LINGO2: variants seen among roughly 807,000 people sequenced by gnomAD.
LINGO2 encodes the protein leucine-rich repeat and immunoglobulin-like domain-containing nogo receptor-interacting protein 2.
In LINGO2, 14 loss-of-function variants were observed where a neutral mutation model predicts 30.6. That is an observed-to-expected ratio of 0.46 (90% CI 0.30 to 0.72). The LOEUF (loss-of-function observed/expected upper bound fraction) is 0.72, where lower values mean the gene tolerates loss of function less well. Among genes scored for constraint, LINGO2 ranks in the 30% least tolerant of loss-of-function variants. The pLI is 0.07. For synonymous variants in LINGO2, 317 were observed against 288.5 expected (o/e 1.10, Z -1.00); for missense variants, 729 against 751.7 (o/e 0.97, Z 0.35).
the LINGO2 span, among the ~76,000 whole-genome samples, chr9:29,188,743 G>T: frequency 7.1e-6 from 1 of 141,046 alleles, no homozygotes; most frequent in Admixed American, 7.2e-5. Context: ...CGGCTGGCCG[G>T]GCAGAGGGGC....
At chr9:28,725,333 G>GA in the LINGO2 span, among the ~76,000 whole-genome samples, 2 of 151,280 alleles carry the variant, frequency 1.3e-5, no homozygotes, top group Admixed American at 1.3e-4. Context: ...AATTAATATT[G>GA]AAAAAAAATC....
intron 2 of LINGO2, among the ~76,000 whole-genome samples, chr9:28,407,364 G>A (rs978846157): frequency 7.2e-5 from 11 of 152,068 alleles, no homozygotes; most frequent in Non-Finnish European, 1.6e-4. Context: ...AGCAAGGCAG[G>A]GCTGAAAGGC....
intron 3 of LINGO2, among the ~76,000 whole-genome samples, chr9:28,366,068 T>C (rs1820661167): frequency 6.6e-6 from 1 of 152,154 alleles, no homozygotes; most frequent in African/African-American, 2.4e-5. Context: ...CTCAGACCCC[T>C]TTCTAAGTCT....
intron 1 of LINGO2, among the ~76,000 whole-genome samples, chr9:28,628,386 TAAC>T (rs1826782129): frequency 6.6e-6 from 1 of 152,088 alleles, no homozygotes; most frequent in Admixed American, 6.6e-5. Flanking sequence ...TAAATTCACA[TAAC>T]AGTAAAACAA....
At chr9:28,715,358 G>A in the LINGO2 span, among the ~76,000 whole-genome samples, 1 of 152,072 alleles carries the variant, frequency 6.6e-6, no homozygotes, top group Non-Finnish European at 1.5e-5. Flanking sequence ...ATTCCTTCCT[G>A]AAAAATGTAA....
In LINGO2 at chr9:28,152,379, G is replaced by A. The variant is rs78503544; in HGVS notation, c.-86-139974C>T. On this transcript the variant is annotated intron_variant, in intron 4 of 5. Transcript: ENST00000379992. Reference sequence around the variant, plus strand: ...TGGCTCCTCTTCCGTTTCTGCCTGAGAGGAAGCACACTGAGGCTCTCCTCA... The same window carrying A: ...TGGCTCCTCTTCCGTTTCTGCCTGAAAGGAAGCACACTGAGGCTCTCCTCA... Among the ~76,000 whole-genome samples the A allele has an allele frequency of 3.3e-3, 508 of 152,238 alleles. 3 individuals are homozygous for A. The highest frequency in any genetic ancestry group is 0.012 in the African/African-American group (484 of 41,542).
At chr9:28,193,956 T>A (rs1356521695) in intron 4 of LINGO2, among the ~76,000 whole-genome samples, 1 of 152,046 alleles carries the variant, frequency 6.6e-6, no homozygotes, top group Non-Finnish European at 1.5e-5. Flanking sequence ...TGCCCCAGAG[T>A]GAGCAGTCAA....
At chr9:28,645,959 A>C (rs2135952644) in intron 1 of LINGO2, among the ~76,000 whole-genome samples, 1 of 152,190 alleles carries the variant, frequency 6.6e-6, no homozygotes, top group East Asian at 1.9e-4. Flanking sequence ...AGTAATTTTA[A>C]CTATTTACCT....
In LINGO2 at chr9:28,408,777, AAAAAAAAAAAC is replaced by A. The variant is rs1198233009; in HGVS notation, c.-278-35920_-278-35910del. 8.6e-5 allele frequency among the ~76,000 whole-genome samples: 7 copies of A among 81,238 alleles called. No individual in the cohort carries two copies. In the East Asian group the frequency reaches 1.2e-3, roughly 14 times the overall value. The allele number at this position is 81,238 out of a possible 152,430, so 53.3% of individuals were successfully genotyped here. ...TTAAACTTAAAGTATAAAAAAACAA[AAAAAAAAAAAC>A]AAAAAAAAACAAATAGAAAGATGGC... On this transcript the variant is annotated intron_variant, in intron 2 of 5. Transcript: ENST00000379992.
chr9:28,946,271 G>T, the LINGO2 span, among the ~76,000 whole-genome samples: 1 of 151,996 alleles, frequency 6.6e-6, no homozygotes, highest in Admixed American at 6.6e-5. Context: ...CAGAGAAAAA[G>T]CAGAAAGAAA....
chr9:28,127,031 A>G (rs1271988982), intron 4 of LINGO2, among the ~76,000 whole-genome samples: 1 of 152,216 alleles, frequency 6.6e-6, no homozygotes, highest in African/African-American at 2.4e-5. Context: ...CAGCTATTTT[A>G]AAGATGAGAA....
intron 5 of LINGO2, among the ~76,000 whole-genome samples, chr9:27,953,832 G>T (rs796099987): frequency 1.3e-5 from 2 of 152,182 alleles, no homozygotes; most frequent in African/African-American, 4.8e-5. Context: ...CATGGAAAAT[G>T]AAATGATATA....
chr9:28,771,321 T>C, the LINGO2 span, among the ~76,000 whole-genome samples: 1 of 151,868 alleles, frequency 6.6e-6, no homozygotes, highest in Admixed American at 6.6e-5. Context: ...TGCTAAAAGA[T>C]CTTGCAACAT....
intron 2 of LINGO2, among the ~76,000 whole-genome samples, chr9:28,424,990 T>G (rs1823344923): frequency 6.6e-6 from 1 of 152,040 alleles, no homozygotes; most frequent in Non-Finnish European, 1.5e-5. Flanking sequence ...AAAGCTATAG[T>G]GAGGACCAAA....
Position 28,170,931 on chromosome 9 carries a change from T to C in LINGO2, c.-87+124277A>G, listed in dbSNP as rs146947945. Among the ~76,000 whole-genome samples, 352 of 152,340 alleles carry C rather than the reference T, an allele frequency of 2.3e-3. 1 individual carries two copies. The highest frequency in any genetic ancestry group is 8.1e-3 in the African/African-American group (335 of 41,586). ...TCCCTTGGTTACATAAGCTAACATA[T>C]TTAGAGGTTCTAAGGATTAGGATAT... On this transcript the variant is annotated intron_variant, in intron 4 of 5. Transcript: ENST00000379992.
intron 3 of LINGO2, among the ~76,000 whole-genome samples, chr9:28,343,667 C>T (rs1049445088): frequency 6.6e-6 from 1 of 152,208 alleles, no homozygotes; most frequent in East Asian, 1.9e-4. Flanking sequence ...ATTTAAGGAT[C>T]TTACTCAGGT....
chr9:28,496,283 G>T (rs942086731), intron 1 of LINGO2, among the ~76,000 whole-genome samples: 2 of 152,064 alleles, frequency 1.3e-5, no homozygotes, highest in African/African-American at 4.8e-5. Flanking sequence ...CGTTATTATT[G>T]TGTGGGAGTC....
chr9:28,914,062 C>T, the LINGO2 span, among the ~76,000 whole-genome samples: 1 of 152,072 alleles, frequency 6.6e-6, no homozygotes, highest in Non-Finnish European at 1.5e-5. Context: ...CAAGAGAAAA[C>T]AGACTTTCCT....
At chr9:28,717,142 A>G in the LINGO2 span, among the ~76,000 whole-genome samples, 1 of 152,014 alleles carries the variant, frequency 6.6e-6, no homozygotes, top group African/African-American at 2.4e-5. Flanking sequence ...AAGAAATTAC[A>G]TTCTAGGCAG....
Sources: allele counts gnomAD v4.1 joint callset (sites outside exome capture counted in the v4.1 genomes callset), GRCh38; gene constraint gnomAD v4.1.1; transcripts MANE v1.5; gene names NCBI Gene and HGNC (gene_info 2026-07-23, HGNC 2026-07-21).